Variants in SASH1 observed in about 807,000 individuals in gnomAD.
SASH1 encodes the protein SAM and SH3 domain-containing protein 1.
SASH1 carries 44 observed loss-of-function variants against 125.2 expected under a neutral mutation model. That is an observed-to-expected ratio of 0.35 (90% CI 0.28 to 0.45). SASH1 has a LOEUF of 0.45. Among genes scored for constraint, SASH1 ranks in the 20% least tolerant of loss-of-function variants. SASH1 has a pLI of 1.00. For missense variants in SASH1, 1,426 were observed against 1,614.5 expected (o/e 0.88, Z 2.00); for synonymous variants, 639 against 649.1 (o/e 0.98, Z 0.24).
intron 1 of SASH1, among the ~76,000 whole-genome samples, chr6:148,299,671 G>GAAAAAAAAA (rs57758957): frequency 1.4e-4 from 16 of 114,978 alleles, no homozygotes; most frequent in African/African-American, 4.8e-4. Context: ...CACCTCAAAA[G>GAAAAAAAAA]AAAAAAAAAA....
At chr6:148,420,718 T>C (rs910689375) in intron 2 of SASH1, among the ~76,000 whole-genome samples, 3 of 152,156 alleles carry the variant, frequency 2.0e-5, no homozygotes, top group African/African-American at 7.2e-5. Context: ...TTTGTCTTTG[T>C]CTTTGAGTAT....
chr6:148,249,991 G>A, the SASH1 span, among the ~76,000 whole-genome samples: 1 of 152,192 alleles, frequency 6.6e-6, no homozygotes, highest in African/African-American at 2.4e-5. Flanking sequence ...TATTTGTTAA[G>A]TGAGTGAATG....
At chr6:148,390,349 T>C in intron 2 of SASH1, 87 bp downstream of exon 2, 1 of 1,318,838 alleles carries the variant, frequency 7.6e-7, no homozygotes. Context: ...GTGCTAGCTC[T>C]TCCTGGGGTA....
chr6:148,199,519 G>A, the SASH1 span, among the ~76,000 whole-genome samples: 6 of 152,132 alleles, frequency 3.9e-5, no homozygotes, highest in Non-Finnish European at 8.8e-5. Flanking sequence ...GCAATATAGT[G>A]AGACCCCATC....
chr6:148,401,176 C>T (rs751756516), intron 2 of SASH1, among the ~76,000 whole-genome samples: 4 of 151,210 alleles, frequency 2.6e-5, no homozygotes, highest in Admixed American at 6.6e-5. Context: ...ATGGCTTGAG[C>T]TTAGGAGGCA....
intron 1 of SASH1, among the ~76,000 whole-genome samples, chr6:148,377,787 A>G (rs1782971600): frequency 6.6e-6 from 1 of 152,182 alleles, no homozygotes; most frequent in Non-Finnish European, 1.5e-5. Context: ...AATAGGAGAA[A>G]TTTTAACCTT....
At chr6:148,434,364 C>T (rs141974601) in intron 2 of SASH1, among the ~76,000 whole-genome samples, 6 of 152,106 alleles carry the variant, frequency 3.9e-5, no homozygotes, top group East Asian at 1.9e-4. Flanking sequence ...CATGAGCCAC[C>T]GTGCGCGGCC....
chr6:148,393,655 A>C, intron 2 of SASH1: 1 of 973,040 alleles, frequency 1.0e-6, no homozygotes. Context: ...CCTCCTTCTC[A>C]TTCAAACAGA....
intron 4 of SASH1, among the ~76,000 whole-genome samples, chr6:148,449,359 C>T (rs529322465): frequency 2.0e-5 from 3 of 148,634 alleles, no homozygotes; most frequent in Admixed American, 1.3e-4. Context: ...TGTGAGTCAC[C>T]GTACCTGGCT....
intron 1 of SASH1, among the ~76,000 whole-genome samples, chr6:148,309,360 T>C (rs892003667): frequency 3.3e-5 from 5 of 152,200 alleles, no homozygotes; most frequent in African/African-American, 4.8e-5. Context: ...TATAAATCCA[T>C]GGAGCTGAAG....
intron 1 of SASH1, among the ~76,000 whole-genome samples, chr6:148,324,044 C>T (rs560421263): frequency 7.5e-6 from 1 of 133,502 alleles, no homozygotes; most frequent in East Asian, 2.4e-4. Flanking sequence ...CGCTTGAACC[C>T]GGGAGGCGGA....
chr6:148,407,677 G>A (rs574116559), intron 2 of SASH1, among the ~76,000 whole-genome samples: 18 of 152,120 alleles, frequency 1.2e-4, no homozygotes, highest in African/African-American at 3.9e-4. Context: ...CTGTCACTCC[G>A]GCTGGAGTGC....
chr6:148,382,673 T>C (rs1018035650), intron 1 of SASH1, among the ~76,000 whole-genome samples: 1 of 152,054 alleles, frequency 6.6e-6, no homozygotes, highest in Admixed American at 6.6e-5. Flanking sequence ...AGGAGGAGGG[T>C]TTGTCAATCC....
intron 2 of SASH1, among the ~76,000 whole-genome samples, chr6:148,415,517 G>C (rs998091828): frequency 1.3e-5 from 2 of 152,152 alleles, no homozygotes; most frequent in Non-Finnish European, 2.9e-5. Context: ...TTTAAAAAAT[G>C]AAAACCACTT....
chr6:148,195,186 A>G, the SASH1 span, among the ~76,000 whole-genome samples: 1 of 152,244 alleles, frequency 6.6e-6, no homozygotes, highest in Non-Finnish European at 1.5e-5. Flanking sequence ...TACAATACTT[A>G]GGTTTTTTTA....
At chr6:148,513,345 T>G (rs1780260175) in intron 8 of SASH1, 1 of 985,324 alleles carries the variant, frequency 1.0e-6, no homozygotes, top group Admixed American at 6.1e-5. Flanking sequence ...CTGCACAGGG[T>G]GTGCCGAGGC....
chr6:148,387,623 T>TCTTTCTTCCTTC, intron 1 of SASH1, among the ~76,000 whole-genome samples: 1 of 43,016 alleles, frequency 2.3e-5, no homozygotes, highest in East Asian at 3.6e-4. Context: ...TTTCTTTCTT[T>TCTTTCTTCCTTC]CTTTCTTTCT....
intron 2 of SASH1, among the ~76,000 whole-genome samples, chr6:148,399,098 C>G (rs1583087122): frequency 6.7e-6 from 1 of 150,008 alleles, no homozygotes; most frequent in African/African-American, 2.4e-5. Context: ...GCACTAGACA[C>G]CTTTGCAGAC....
rs74336923 is a variant in SASH1, at chr6:148,359,425, C to T, written c.156+16202C>T. Among the ~76,000 whole-genome samples the T allele has an allele frequency of 1.5e-3, 221 of 151,572 alleles. 1 individual carries two copies. The East Asian group carries it at 0.031, about 22-fold the overall frequency. ...CAATACCGTGCGCTCATTTTGAGTC[C>T]CTATGTCACATTTTGAAGCTGAATT... On this transcript the variant is annotated intron_variant, in intron 1 of 19. Coordinates refer to ENST00000367467, the MANE Select transcript of SASH1 (RefSeq NM_015278.5).
Sources: gnomAD v4.1 joint callset for allele counts (sites outside exome capture counted in the v4.1 genomes callset) on GRCh38, gnomAD v4.1.1 for gene constraint, MANE v1.5 for transcripts, NCBI Gene and HGNC (gene_info 2026-07-23, HGNC 2026-07-21) for gene names.